GRIN2A: variants seen among roughly 807,000 people sequenced by gnomAD.
GRIN2A encodes the protein glutamate ionotropic receptor NMDA type subunit 2A, also known as glutamate receptor ionotropic, NMDA 2A.
A neutral mutation model predicts 113.4 loss-of-function variants in GRIN2A; 22 were observed. The observed-to-expected ratio is 0.19, with a 90% CI of 0.14 to 0.28. GRIN2A has a LOEUF of 0.28. Among genes scored for constraint, GRIN2A ranks in the 10% least tolerant of loss-of-function variants. The pLI is 1.00. For missense variants in GRIN2A, 1,502 were observed against 1,887.0 expected, an observed-to-expected ratio of 0.80 and a Z score of 3.78; for synonymous variants, 827 against 738.4, an observed-to-expected ratio of 1.12 and a Z score of -1.94.
chr16:10,129,599 G>A (rs949440468), intron 2 of GRIN2A, among the ~76,000 whole-genome samples: 10 of 152,166 alleles, frequency 6.6e-5, no homozygotes, highest in Non-Finnish European at 1.2e-4. Flanking sequence ...GGAACAACAA[G>A]TGCAAAGGTG....
At chr16:10,019,306 T>G (rs1325488014) in intron 2 of GRIN2A, among the ~76,000 whole-genome samples, 3 of 152,236 alleles carry the variant, frequency 2.0e-5, no homozygotes, top group Non-Finnish European at 4.4e-5. Flanking sequence ...TGTTTATCAT[T>G]GTTTTATAAT....
chr16:9,807,609 C>T (rs1419201109), intron 10 of GRIN2A, among the ~76,000 whole-genome samples: 1 of 152,106 alleles, frequency 6.6e-6, no homozygotes, highest in Non-Finnish European at 1.5e-5. Context: ...ACTGACTATA[C>T]CCAAGGAGTT....
chr16:10,019,517 G>A (rs572957291), intron 2 of GRIN2A, among the ~76,000 whole-genome samples: 2 of 152,312 alleles, frequency 1.3e-5, no homozygotes, highest in African/African-American at 2.4e-5. Flanking sequence ...CCATTTTAAT[G>A]ACAAGATAAA....
At chr16:10,165,034 G>C (rs894612713) in intron 2 of GRIN2A, among the ~76,000 whole-genome samples, 1 of 152,148 alleles carries the variant, frequency 6.6e-6, no homozygotes, top group African/African-American at 2.4e-5. Context: ...TGTATTGATA[G>C]TTTTAAAATT....
intron 2 of GRIN2A, among the ~76,000 whole-genome samples, chr16:9,987,154 G>A (rs1176363853): frequency 1.3e-5 from 2 of 152,148 alleles, no homozygotes; most frequent in African/African-American, 4.8e-5. Context: ...GTTTGTTATT[G>A]CAGAGCATGT....
chr16:9,949,356 G>A (rs1316120944), intron 2 of GRIN2A, among the ~76,000 whole-genome samples: 1 of 152,098 alleles, frequency 6.6e-6, no homozygotes, highest in Non-Finnish European at 1.5e-5. Context: ...TAGATTGGAT[G>A]GATAGATGGA....
chr16:10,085,955 C>CA (rs2048078722), intron 2 of GRIN2A, among the ~76,000 whole-genome samples: 1 of 152,090 alleles, frequency 6.6e-6, no homozygotes, highest in East Asian at 1.9e-4. Flanking sequence ...AATTAACAAA[C>CA]AAAAAATGTC....
chr16:10,082,430 G>A (rs1263055619), intron 2 of GRIN2A, among the ~76,000 whole-genome samples: 2 of 152,180 alleles, frequency 1.3e-5, no homozygotes, highest in Non-Finnish European at 2.9e-5. Flanking sequence ...CTTGAGTACA[G>A]GTGAACCTGT....
At chr16:10,058,301 CA>C (rs1304173297) in intron 2 of GRIN2A, among the ~76,000 whole-genome samples, 3 of 150,930 alleles carry the variant, frequency 2.0e-5, no homozygotes, top group Non-Finnish European at 4.4e-5. Context: ...AAACAAAAAA[CA>C]AAAAACAAAG....
At chr16:9,826,139 T>A (rs915092164) in intron 9 of GRIN2A, among the ~76,000 whole-genome samples, 1 of 152,092 alleles carries the variant, frequency 6.6e-6, no homozygotes, top group Admixed American at 6.5e-5. Context: ...AGAAAGGAGA[T>A]AATGTCTTCT....
rs537642710 is a variant in GRIN2A, at chr16:9,999,643, G to C, written c.415-61092C>G. On this transcript the variant is annotated intron_variant, in intron 2 of 12. Coordinates refer to ENST00000330684, the MANE Select transcript of GRIN2A (RefSeq NM_001134407.3). ...ATTAGGAGAAACACCTAATGTAGGT[G>C]ACAGGTTGATGAGCGCAGCAGACCA... 2.6e-3 allele frequency among the ~76,000 whole-genome samples: 394 copies of C among 152,198 alleles called. 3 individuals are homozygous for C. The highest frequency in any genetic ancestry group is 9.2e-3 in the African/African-American group (381 of 41,528).
In GRIN2A at chr16:9,756,608, C is replaced by T. The variant is rs560646455; in HGVS notation, c.*6541G>A. On this transcript the variant is annotated 3_prime_UTR_variant, in exon 13 of 13. Transcript: ENST00000330684. ...TGACGAGGTTGAGAAAAACCTGAGC[C>T]TCAGTTTCCTTATCTGTAAAATGGG... The T allele has an allele frequency of 3.0e-5, 6 of 198,540 alleles. No individual in the cohort carries two copies. Among genetic ancestry groups the T allele is most frequent in the African/African-American group, 1.4e-4 (6 of 43,556 alleles). The allele number at this position is 198,540 out of a possible 1,614,324, so 12.3% of individuals were successfully genotyped here.
At chr16:10,095,878 A>T (rs1469289013) in intron 2 of GRIN2A, among the ~76,000 whole-genome samples, 1 of 152,162 alleles carries the variant, frequency 6.6e-6, no homozygotes, top group Non-Finnish European at 1.5e-5. Context: ...TACAAAAAAA[A>T]AGTGTGAAAG....
chr16:9,961,530 G>A, intron 2 of GRIN2A, among the ~76,000 whole-genome samples: 1 of 152,298 alleles, frequency 6.6e-6, no homozygotes. Flanking sequence ...TATGATGATT[G>A]AATTCAGAAT....
chr16:10,077,278 T>C (rs1435385910), intron 2 of GRIN2A, among the ~76,000 whole-genome samples: 1 of 152,206 alleles, frequency 6.6e-6, no homozygotes, highest in Non-Finnish European at 1.5e-5. Context: ...GTGTAATTTG[T>C]TATAGCAGCA....
intron 2 of GRIN2A, among the ~76,000 whole-genome samples, chr16:10,017,247 A>G (rs1267664436): frequency 6.6e-6 from 1 of 152,234 alleles, no homozygotes; most frequent in Non-Finnish European, 1.5e-5. Flanking sequence ...AGAAACAGAT[A>G]ATCATTACAC....
chr16:10,015,720 T>G (rs374965458), intron 2 of GRIN2A, among the ~76,000 whole-genome samples: 1 of 152,290 alleles, frequency 6.6e-6, no homozygotes, highest in East Asian at 1.9e-4. Flanking sequence ...GGGAACATAC[T>G]ATTTACGAGG....
chr16:9,849,819 A>G lies in GRIN2A; in HGVS notation c.1265T>C (p.Ile422Thr), dbSNP rs372628324. ...CACACACGTCTCGGTCAGGGGGTCT[A>G]TGTCTTCCACGATGACGAATGGGGC... ...EEAPFVIVED[I>T]DPLTETCVRN... Residue 422 changes from isoleucine to threonine, a missense_variant, in exon 5 of 13, where the codon ATA becomes ACA. By Grantham distance (89) the Ile-to-Thr change is moderately conservative. This residue lies in a region of GRIN2A where 334 missense variants were observed against 403.0 expected (regional missense o/e 0.83). Coordinates refer to ENST00000330684, the MANE Select transcript of GRIN2A (RefSeq NM_001134407.3). The G allele has an allele frequency of 8.7e-6, 14 of 1,613,910 alleles. No individual in the cohort carries two copies. Among genetic ancestry groups the G allele is most frequent in the Non-Finnish European group, 1.1e-5 (13 of 1,179,982 alleles).
intron 2 of GRIN2A, among the ~76,000 whole-genome samples, chr16:10,159,844 G>A (rs186959215): frequency 1.8e-4 from 27 of 152,186 alleles, no homozygotes; most frequent in Admixed American, 9.2e-4. Flanking sequence ...ACAAACTATC[G>A]TTCTCATTAT....
Sources: allele counts gnomAD v4.1 joint callset (sites outside exome capture counted in the v4.1 genomes callset), GRCh38; gene constraint gnomAD v4.1.1; regional missense constraint gnomAD v4.1.1; transcripts MANE v1.5; gene names NCBI Gene and HGNC (gene_info 2026-07-23, HGNC 2026-07-21).